Variants in NCOA7 observed in about 807,000 individuals in gnomAD.
NCOA7 encodes the protein 140 kDa estrogen receptor-associated protein.
NCOA7 carries 45 observed loss-of-function variants against 104.3 expected under a neutral mutation model. That is an observed-to-expected ratio of 0.43 (90% CI 0.34 to 0.55). NCOA7 has a LOEUF of 0.55. Among genes scored for constraint, NCOA7 ranks in the 20% least tolerant of loss-of-function variants. The probability of loss-of-function intolerance (pLI) is 0.02; values close to 1 mark genes in which losing one functional copy is unlikely to be tolerated. For synonymous variants in NCOA7, 398 were observed against 402.3 expected, an observed-to-expected ratio of 0.99 and a Z score of 0.13; for missense variants, 1,041 against 1,119.7, an observed-to-expected ratio of 0.93 and a Z score of 1.00.
chr6:125,852,287 C>G (rs955777890), intron 2 of NCOA7, among the ~76,000 whole-genome samples: 1 of 152,142 alleles, frequency 6.6e-6, no homozygotes, highest in African/African-American at 2.4e-5. Context: ...CCTCCGCCAC[C>G]TGGGTTCAAG....
At chr6:125,917,115 C>A (rs1318206544) in intron 11 of NCOA7, among the ~76,000 whole-genome samples, 1 of 151,094 alleles carries the variant, frequency 6.6e-6, no homozygotes, top group Non-Finnish European at 1.5e-5. Context: ...GTTAGAATAA[C>A]TACCTGGGAA....
chr6:125,789,631 G>GAT (rs1345191348), upstream of NCOA7, among the ~76,000 whole-genome samples: 4 of 151,996 alleles, frequency 2.6e-5, no homozygotes, highest in African/African-American at 9.7e-5. Context: ...AAATCCCAAA[G>GAT]ATATAAACCT....
chr6:125,889,464 G>C lies in NCOA7; in HGVS notation c.1410G>C (p.Leu470Phe). The change falls in exon 9 of 16, where the codon TTG becomes TTC. Residue 470 changes from leucine (L) to phenylalanine (F), a missense_variant. Around this residue, in one of 2 missense-constraint regions of NCOA7, gnomAD observed 914 missense variants for 942.7 expected, o/e 0.97. Transcript: ENST00000392477. The part of the protein sequence containing the change: ...EMQVQSALAF[L>F]GTENDVELKG... ...AGGTGCAGTCAGCCCTAGCCTTTTT[G>C]GGAACAGAGAATGATGTTGAACTGA... is the stretch of plus-strand genomic sequence containing the variant. 1 of 1,613,940 alleles carries C rather than the reference G, an allele frequency of 6.2e-7. No individual in the cohort carries two copies. The highest frequency in any genetic ancestry group is 8.5e-7 in the Non-Finnish European group (1 of 1,179,958).
At chr6:125,794,256 T>C (rs1234685661) in intron 1 of NCOA7, among the ~76,000 whole-genome samples, 1 of 152,222 alleles carries the variant, frequency 6.6e-6, no homozygotes, top group Non-Finnish European at 1.5e-5. Context: ...AGAAAAGCTT[T>C]ACTTACCCTG....
chr6:125,829,655 A>C (rs1778982807), intron 2 of NCOA7, among the ~76,000 whole-genome samples: 2 of 109,562 alleles, frequency 1.8e-5, no homozygotes, highest in East Asian at 2.7e-4. Context: ...ACAACTAGTA[A>C]ATTTCTTTTC....
intron 10 of NCOA7, among the ~76,000 whole-genome samples, chr6:125,912,469 CAGTG>C (rs1251828110): frequency 6.6e-6 from 1 of 152,134 alleles, no homozygotes; most frequent in African/African-American, 2.4e-5. Context: ...GAGAAAAAGA[CAGTG>C]AGAGATAAAA....
In NCOA7 at chr6:125,877,112, T is replaced by C. The variant is rs1257900042; in HGVS notation, c.352-1151T>C. Reference sequence around the variant, plus strand: ...TAGTGGCATATGTTGTTTACTTTAGTGATTTAAAAAATTATACATACTACA... The same window carrying C: ...TAGTGGCATATGTTGTTTACTTTAGCGATTTAAAAAATTATACATACTACA... On this transcript the variant is annotated intron_variant, in intron 4 of 15. Coordinates refer to ENST00000392477, the MANE Select transcript of NCOA7 (RefSeq NM_181782.5). 5.3e-5 allele frequency among the ~76,000 whole-genome samples: 8 copies of C among 152,348 alleles called. No homozygotes were observed. The South Asian group carries it at 1.7e-3, about 32-fold the overall frequency.
chr6:125,894,663 C>G (rs1784868044), intron 10 of NCOA7, among the ~76,000 whole-genome samples: 4 of 152,084 alleles, frequency 2.6e-5, no homozygotes, highest in Non-Finnish European at 5.9e-5. Flanking sequence ...TCCTTGACCC[C>G]TGGTTTGGCA....
Position 125,928,947 on chromosome 6 carries a change from A to C in NCOA7, c.*176A>C. 1 of 590,534 alleles carries C rather than the reference A, an allele frequency of 1.7e-6. No homozygotes were observed. The highest frequency in any genetic ancestry group is 3.6e-5 in the South Asian group (1 of 27,644). The allele number at this position is 590,534 out of a possible 1,614,324, so 36.6% of individuals were successfully genotyped here. A position where few individuals can be genotyped will look rare whatever the true frequency, so the allele number is the denominator to read the frequency against. The stretch of plus-strand genomic sequence containing the variant: ...GAAAGATTCTGGAAGGTCCATGTAG[A>C]GGGCAGACATTGAAGAAAGAAACTT... On this transcript the variant is annotated 3_prime_UTR_variant, in exon 16 of 16. Transcript: ENST00000392477.
At chr6:125,843,472 C>A (rs1229902398) in intron 2 of NCOA7, among the ~76,000 whole-genome samples, 6 of 152,140 alleles carry the variant, frequency 3.9e-5, no homozygotes, top group African/African-American at 1.4e-4. Context: ...TACATCCAGT[C>A]AATTTAACTA....
chr6:125,885,059 A>G, intron 7 of NCOA7, 100 bp from the exon 8 acceptor site: 1 of 1,225,166 alleles, frequency 8.2e-7, no homozygotes, highest in Non-Finnish European at 1.2e-6. Flanking sequence ...TGTGGTTCAC[A>G]AAGTCCATGG....
intron 8 of NCOA7, among the ~76,000 whole-genome samples, chr6:125,887,423 C>A (rs745561124): frequency 2.6e-4 from 40 of 152,248 alleles, no homozygotes; most frequent in Non-Finnish European, 5.7e-4. Context: ...TTTGTGTTTG[C>A]AAGTTCCTGC....
In NCOA7 at chr6:125,929,210, G is replaced by A. The variant is rs1224224246; in HGVS notation, c.*439G>A. 6.7e-6 allele frequency: 1 copy of A among 150,228 alleles called. No homozygotes were observed. The highest frequency in any genetic ancestry group is 1.5e-5 in the Non-Finnish European group (1 of 67,738). The allele number at this position is 150,228 out of a possible 1,614,324, so 9.3% of individuals were successfully genotyped here. A position where few individuals can be genotyped will look rare whatever the true frequency, so the allele number is the denominator to read the frequency against. ...TTAGTCTCATTTAGAAAAATCGAAAGTGCACAGCACTTAAAGGGAATATAT... is the reference window on the plus strand; with the variant it reads ...TTAGTCTCATTTAGAAAAATCGAAAATGCACAGCACTTAAAGGGAATATAT... On this transcript the variant is annotated 3_prime_UTR_variant, in exon 16 of 16. Coordinates refer to ENST00000392477, the MANE Select transcript of NCOA7 (RefSeq NM_181782.5).
chr6:125,843,844 C>T (rs1306893588), intron 2 of NCOA7, among the ~76,000 whole-genome samples: 1 of 152,188 alleles, frequency 6.6e-6, no homozygotes, highest in Non-Finnish European at 1.5e-5. Flanking sequence ...CAAATTCTCA[C>T]ATGGGGCAAT....
At chr6:125,906,117 G>C (rs1379483255) in intron 10 of NCOA7, among the ~76,000 whole-genome samples, 1 of 152,114 alleles carries the variant, frequency 6.6e-6, no homozygotes, top group Non-Finnish European at 1.5e-5. Flanking sequence ...GGAGATAGGG[G>C]AATGGAAAGG....
intron 3 of NCOA7, among the ~76,000 whole-genome samples, chr6:125,865,497 C>CTT (rs113589843): frequency 7.8e-6 from 1 of 127,748 alleles, no homozygotes. Context: ...CCTGACACAT[C>CTT]TTTTTTTTTT....
chr6:125,781,913 A>G (rs1002111603), intron 1 of NCOA7, among the ~76,000 whole-genome samples: 3 of 152,214 alleles, frequency 2.0e-5, no homozygotes, highest in African/African-American at 7.2e-5. Flanking sequence ...AGTTGCAACT[A>G]TAGAACATTG....
chr6:125,925,739 G>C (rs901851661), intron 13 of NCOA7, among the ~76,000 whole-genome samples: 1 of 152,078 alleles, frequency 6.6e-6, no homozygotes, highest in Non-Finnish European at 1.5e-5. Flanking sequence ...TATATGTTTT[G>C]TTATATGACT....
chr6:125,793,212 A>T (rs930826369), intron 1 of NCOA7, among the ~76,000 whole-genome samples: 2 of 152,226 alleles, frequency 1.3e-5, no homozygotes, highest in African/African-American at 4.8e-5. Flanking sequence ...TGTAATAAAG[A>T]TAATTACATT....
Sources: allele counts gnomAD v4.1 joint callset (sites outside exome capture counted in the v4.1 genomes callset), GRCh38; gene constraint gnomAD v4.1.1; regional missense constraint gnomAD v4.1.1; transcripts MANE v1.5; gene names NCBI Gene and HGNC (gene_info 2026-07-23, HGNC 2026-07-21).